The following FLT1 variants were observed in gnomAD, a reference collection of about 807,000 sequenced individuals.
FLT1 encodes fms related receptor tyrosine kinase 1.
A neutral mutation model predicts 156.3 loss-of-function variants in FLT1; 49 were observed. The ratio of observed to expected loss-of-function variants is 0.31; its 90% CI spans 0.25 to 0.40. FLT1 has a LOEUF of 0.40. FLT1 is among the 10% of genes least tolerant of loss of function. The probability of loss-of-function intolerance (pLI) is 1.00; values close to 1 mark genes in which losing one functional copy is unlikely to be tolerated. For missense variants in FLT1, 1,322 were observed against 1,637.2 expected (o/e 0.81, Z 3.32); for synonymous variants, 594 against 583.8 (o/e 1.02, Z -0.25).
intron 12 of FLT1, among the ~76,000 whole-genome samples, chr13:28,391,887 CA>C (rs142516377): frequency 0.021 from 3,225 of 152,234 alleles, 122 homozygotes; most frequent in African/African-American, 0.073. Context: ...GACCCGCTCT[CA>C]AAACCTTCCC....
intron 1 of FLT1, among the ~76,000 whole-genome samples, chr13:28,482,324 G>C (rs1880904994): frequency 6.6e-6 from 1 of 152,010 alleles, no homozygotes; most frequent in Admixed American, 6.6e-5. Context: ...TGTAATCCCA[G>C]CTATTCAGGA....
rs1198051894 is a variant in FLT1, at chr13:28,311,604, G to A, written c.3621C>T (p.Ser1207=). The A allele has an allele frequency of 1.9e-6, 3 of 1,613,280 alleles. No individual in the cohort carries two copies. The highest frequency in any genetic ancestry group is 2.5e-6 in the Non-Finnish European group (3 of 1,179,726). Residue 1207 remains serine (S), a synonymous_variant, in exon 27 of 30, where the codon AGC becomes AGT. Coordinates refer to ENST00000282397, the MANE Select transcript of FLT1 (RefSeq NM_002019.4). The part of the protein sequence containing the change: ...SISAPKFNSG[S]SDDVRYVNAF... ...AGAAATCTTACCTGACATCATCAGA[G>A]CTTCCTGAATTAAACTTCGGAGCTG...
intron 24 of FLT1, among the ~76,000 whole-genome samples, chr13:28,318,516 G>C (rs3794396): frequency 0.02 from 3,012 of 152,274 alleles, 75 homozygotes; most frequent in East Asian, 0.07. Flanking sequence ...ATTTGTTTGT[G>C]TGCATTTTCT....
intron 20 of FLT1, among the ~76,000 whole-genome samples, chr13:28,326,520 CTTTTTTT>C (rs58719749): frequency 5.0e-5 from 4 of 80,040 alleles, no homozygotes; most frequent in South Asian, 1.1e-3. Flanking sequence ...CTCTCTCTCT[CTTTTTTT>C]TTTTTTTTTT....
At chr13:28,366,198 T>A (rs1462821521) in intron 14 of FLT1, among the ~76,000 whole-genome samples, 1 of 152,258 alleles carries the variant, frequency 6.6e-6, no homozygotes, top group East Asian at 1.9e-4. Flanking sequence ...AATAAAAACA[T>A]GGATGCAAGA....
At chr13:28,493,819 AC>A (rs1234876823) in intron 1 of FLT1, among the ~76,000 whole-genome samples, 1 of 152,058 alleles carries the variant, frequency 6.6e-6, no homozygotes, top group Non-Finnish European at 1.5e-5. Flanking sequence ...TGACTGTTCC[AC>A]CGCCCGTCTC....
chr13:28,323,077 C>T, intron 20 of FLT1, 131 bp from the exon 21 acceptor site: 3 of 960,982 alleles, frequency 3.1e-6, no homozygotes, highest in Non-Finnish European at 5.0e-6. Context: ...CGTGAACTAG[C>T]ACAGGGGCCC....
chr13:28,467,487 A>G, intron 2 of FLT1, 34 bp downstream of exon 2: 1 of 1,395,668 alleles, frequency 7.2e-7, no homozygotes, highest in Non-Finnish European at 1.0e-6. Flanking sequence ...AGGCATGGCA[A>G]CTAGATTATT....
chr13:28,425,908 C>T (rs144741482), intron 10 of FLT1, among the ~76,000 whole-genome samples: 4 of 152,064 alleles, frequency 2.6e-5, no homozygotes, highest in Non-Finnish European at 5.9e-5. Flanking sequence ...ATTTGTAAGT[C>T]TTCTCTATTT....
chr13:28,377,500 A>C (rs1220844107), intron 14 of FLT1, among the ~76,000 whole-genome samples: 1 of 152,246 alleles, frequency 6.6e-6, no homozygotes, highest in South Asian at 2.1e-4. Flanking sequence ...ATAATAGCGA[A>C]TAAGGCAGGA....
intron 1 of FLT1, among the ~76,000 whole-genome samples, chr13:28,477,052 C>T (rs1880590286): frequency 6.6e-6 from 1 of 152,120 alleles, no homozygotes; most frequent in Admixed American, 6.5e-5. Flanking sequence ...AAGTTATTTA[C>T]ACGGAAAAAA....
At chr13:28,493,760 T>G (rs924708933) in intron 1 of FLT1, among the ~76,000 whole-genome samples, 15 of 152,226 alleles carry the variant, frequency 9.9e-5, no homozygotes, top group Admixed American at 2.0e-4. Context: ...CCTCGGGGCT[T>G]TGACCCCTCA....
At chr13:28,460,668 C>A (rs585421) in intron 3 of FLT1, among the ~76,000 whole-genome samples, 1 of 136,920 alleles carries the variant, frequency 7.3e-6, no homozygotes, top group African/African-American at 2.7e-5. Context: ...CCCACCCCAC[C>A]CCCCCAAAAA....
intron 3 of FLT1, among the ~76,000 whole-genome samples, chr13:28,461,716 T>C (rs1349179835): frequency 2.6e-5 from 4 of 151,956 alleles, no homozygotes; most frequent in Non-Finnish European, 5.9e-5. Flanking sequence ...AGCCTTTTTT[T>C]CCCCCGCTAA....
chr13:28,358,514 G>C (rs961455792), intron 14 of FLT1, among the ~76,000 whole-genome samples: 2 of 152,128 alleles, frequency 1.3e-5, no homozygotes, highest in African/African-American at 2.4e-5. Flanking sequence ...GTAGTGGAAG[G>C]AGTCCCAAGA....
chr13:28,488,202 AG>A (rs1400857534), intron 1 of FLT1, among the ~76,000 whole-genome samples: 1 of 152,140 alleles, frequency 6.6e-6, no homozygotes, highest in African/African-American at 2.4e-5. Flanking sequence ...GTTCAAGACC[AG>A]CCTGGCCAAT....
intron 14 of FLT1, among the ~76,000 whole-genome samples, chr13:28,376,157 G>A (rs1873830135): frequency 1.3e-5 from 2 of 152,142 alleles, no homozygotes; most frequent in Non-Finnish European, 2.9e-5. Context: ...ATCTGAATAT[G>A]GTGCCTACAG....
At chr13:28,355,516 C>A (rs893501703) in intron 15 of FLT1, among the ~76,000 whole-genome samples, 2 of 152,140 alleles carry the variant, frequency 1.3e-5, no homozygotes, top group African/African-American at 2.4e-5. Flanking sequence ...ACTAATGATT[C>A]CAGAAGCGGG....
rs148789394 is a variant in FLT1, at chr13:28,388,392, T to A, written c.1969+1404A>T. ...CCAAGCTTGAGAAGTTGTCATATTG[T>A]CACCTCCTATTGAACTGCCCAGCCA... On this transcript the variant is annotated intron_variant, in intron 13 of 29. Transcript: ENST00000282397. 5 of 1,056,974 alleles carry A rather than the reference T, an allele frequency of 4.7e-6. No individual in the cohort carries two copies. The Admixed American group carries it at 2.7e-4, about 57-fold the overall frequency. The allele number at this position is 1,056,974 out of a possible 1,614,324, so 65.5% of individuals were successfully genotyped here.
Sources: allele counts gnomAD v4.1 joint callset (sites outside exome capture counted in the v4.1 genomes callset), GRCh38; gene constraint gnomAD v4.1.1; transcripts MANE v1.5; gene names NCBI Gene and HGNC (gene_info 2026-07-23, HGNC 2026-07-21).